The following BRINP2 variants were observed in gnomAD, a reference collection of about 807,000 sequenced individuals.
BRINP2 encodes the protein BMP/retinoic acid-inducible neural-specific protein 2.
BRINP2 carries 21 observed loss-of-function variants against 69.2 expected under a neutral mutation model. That is an observed-to-expected ratio of 0.30 (90% confidence interval 0.22 to 0.44). BRINP2 has a LOEUF of 0.44. Among genes scored for constraint, BRINP2 ranks in the 20% least tolerant of loss-of-function variants. The pLI, the probability that BRINP2 is intolerant of heterozygous loss-of-function variation, is 1.00. For missense variants in BRINP2, 877 were observed against 986.0 expected (o/e 0.89, Z 1.48); for synonymous variants, 380 against 394.1 (o/e 0.96, Z 0.42).
chr1:177,256,474 A>AGTC (rs1650762446), intron 3 of BRINP2: 1 of 985,332 alleles, frequency 1.0e-6, no homozygotes, highest in African/African-American at 1.7e-5. Context: ...CAGGCAAAAA[A>AGTC]GTCGAAGTCC....
chr1:177,179,277 G>A (rs528331602), intron 1 of BRINP2, among the ~76,000 whole-genome samples: 29 of 152,350 alleles, frequency 1.9e-4, no homozygotes, highest in African/African-American at 7.0e-4. Context: ...CATTCAAATT[G>A]AGGTGTAATT....
intron 1 of BRINP2, among the ~76,000 whole-genome samples, chr1:177,178,616 C>G (rs546034101): frequency 6.6e-6 from 1 of 152,268 alleles, no homozygotes; most frequent in African/African-American, 2.4e-5. Context: ...TAGACTCCTA[C>G]ACATCTTGTT....
intron 4 of BRINP2, among the ~76,000 whole-genome samples, chr1:177,270,328 T>C (rs1307700485): frequency 2.0e-5 from 3 of 152,162 alleles, no homozygotes; most frequent in Non-Finnish European, 4.4e-5. Context: ...GATCATGGTC[T>C]TTGTCTCCTA....
At chr1:177,183,582 G>A (rs185972383) in intron 1 of BRINP2, among the ~76,000 whole-genome samples, 3 of 152,272 alleles carry the variant, frequency 2.0e-5, no homozygotes, top group Non-Finnish European at 2.9e-5. Context: ...AAGATACTAA[G>A]CTTAGGACAC....
chr1:177,249,280 C>A (rs1650505916), intron 2 of BRINP2, among the ~76,000 whole-genome samples: 2 of 152,138 alleles, frequency 1.3e-5, no homozygotes, highest in Non-Finnish European at 2.9e-5. Flanking sequence ...TCACTCTAGG[C>A]TAACCTAAAG....
intron 1 of BRINP2, among the ~76,000 whole-genome samples, chr1:177,181,273 A>G (rs1301765258): frequency 6.6e-6 from 1 of 151,952 alleles, no homozygotes; most frequent in African/African-American, 2.4e-5. Context: ...CTTTTTCCCA[A>G]TACTCCTCAG....
At chr1:177,272,064 A>G (rs1651345934) in intron 4 of BRINP2, among the ~76,000 whole-genome samples, 1 of 152,166 alleles carries the variant, frequency 6.6e-6, no homozygotes, top group African/African-American at 2.4e-5. Flanking sequence ...TGCACTATGC[A>G]CTTCCAAGCT....
chr1:177,186,387 G>C (rs549835459), intron 1 of BRINP2, among the ~76,000 whole-genome samples: 32 of 152,090 alleles, frequency 2.1e-4, no homozygotes, highest in Middle Eastern at 3.4e-3. Context: ...AAAAGTAATT[G>C]CAATTTTTTG....
At chr1:177,236,852 G>T (rs1650043025) in intron 2 of BRINP2, among the ~76,000 whole-genome samples, 1 of 151,276 alleles carries the variant, frequency 6.6e-6, no homozygotes, top group Non-Finnish European at 1.5e-5. Context: ...GGTTATTTAT[G>T]CCATACTTTG....
At chr1:177,227,494 G>A (rs1205291173) in intron 1 of BRINP2, among the ~76,000 whole-genome samples, 1 of 152,118 alleles carries the variant, frequency 6.6e-6, no homozygotes, top group Non-Finnish European at 1.5e-5. Flanking sequence ...TTCAATAAAT[G>A]AATATGTGAA....
chr1:177,227,736 T>C (rs1649740188), intron 1 of BRINP2, among the ~76,000 whole-genome samples: 1 of 152,228 alleles, frequency 6.6e-6, no homozygotes, highest in South Asian at 2.1e-4. Flanking sequence ...ATATTAGGTA[T>C]AAAATATTCC....
At position 177,273,582 on chromosome 1, in the gene BRINP2, T is replaced by C. The variant is rs143480926; in HGVS notation, c.764T>C (p.Val255Ala). 1.7e-4 allele frequency: 277 copies of C among 1,584,648 alleles called. No homozygotes were observed. The highest frequency in any genetic ancestry group is 1.6e-3 in the Middle Eastern group (9 of 5,674). Reference protein sequence around the residue: ...SVLVQSPENKVQLLGLQVLLP... With the variant: ...SVLVQSPENKAQLLGLQVLLP... Reference sequence around the variant, plus strand: ...TTGGTACAGAGTCCAGAGAACAAAGTACAGTTACTTGGTAAGCAGCACTAT... The same window carrying C: ...TTGGTACAGAGTCCAGAGAACAAAGCACAGTTACTTGGTAAGCAGCACTAT... Residue 255 changes from valine (V) to alanine (A), a missense_variant, in exon 5 of 8, where the codon GTA (valine) becomes GCA (alanine). By Grantham distance (64) the Val-to-Ala change is moderately conservative (BLOSUM62 0). This residue lies in a region of BRINP2 where 566 missense variants were observed against 625.2 expected (regional missense o/e 0.91). Coordinates refer to ENST00000361539, the MANE Select transcript of BRINP2 (RefSeq NM_021165.4).
Position 177,206,685 on chromosome 1 carries a change from A to C in BRINP2, c.-76-23116A>C, listed in dbSNP as rs568529905. Reference sequence around the variant, plus strand: ...GTGGGACAAGAAGAGGGATAAGGACAGCCAGTGATAGGAGTCCCCAGATGT... The same window carrying C: ...GTGGGACAAGAAGAGGGATAAGGACCGCCAGTGATAGGAGTCCCCAGATGT... On this transcript the variant is annotated intron_variant, in intron 1 of 7. Transcript: ENST00000361539. Among the ~76,000 whole-genome samples the C allele has an allele frequency of 7.2e-5, 11 of 152,332 alleles. No individual in the cohort carries two copies. The East Asian group carries it at 1.9e-3, about 27-fold the overall frequency.
intron 4 of BRINP2, among the ~76,000 whole-genome samples, chr1:177,261,355 G>T (rs1650941983): frequency 6.6e-6 from 1 of 152,186 alleles, no homozygotes; most frequent in Non-Finnish European, 1.5e-5. Flanking sequence ...TGTCACAGAG[G>T]TGGTGAGAAG....
At position 177,257,034 on chromosome 1, in the gene BRINP2, G is replaced by T. The variant is rs150213348; in HGVS notation, c.461-142G>T. On this transcript the variant is annotated intron_variant, in intron 3 of 7. Coordinates refer to ENST00000361539, the MANE Select transcript of BRINP2 (RefSeq NM_021165.4). ...CTCTGATGAGCTTCTTCTAAAGATG[G>T]TAAGGGCTGGGGGAAGAGCTTGGCA... The T allele has an allele frequency of 1.3e-3, 2,067 of 1,544,236 alleles. 28 individuals are homozygous for T. In the African/African-American group the frequency reaches 0.025, roughly 19 times the overall value.
intron 2 of BRINP2, among the ~76,000 whole-genome samples, chr1:177,244,083 C>T (rs905920207): frequency 2.0e-5 from 3 of 151,916 alleles, no homozygotes; most frequent in East Asian, 1.9e-4. Context: ...AAAAAGAGGG[C>T]GAAATGTAAA....
At chr1:177,269,855 G>A (rs2102357704) in intron 4 of BRINP2, among the ~76,000 whole-genome samples, 1 of 152,260 alleles carries the variant, frequency 6.6e-6, no homozygotes, top group Non-Finnish European at 1.5e-5. Context: ...AGGCAGGATG[G>A]TCTCTGTCAA....
At chr1:177,201,643 G>A (rs535437435) in intron 1 of BRINP2, among the ~76,000 whole-genome samples, 22 of 152,308 alleles carry the variant, frequency 1.4e-4, no homozygotes, top group African/African-American at 5.1e-4. Context: ...GTTGAATCTG[G>A]ACTGAGGATC....
intron 1 of BRINP2, among the ~76,000 whole-genome samples, chr1:177,177,294 A>AAACAACAACAACAACAAC (rs149219703): frequency 1.3e-5 from 2 of 151,184 alleles, no homozygotes; most frequent in African/African-American, 4.9e-5. Context: ...ACAAACAAAC[A>AAACAACAACAACAACAAC]AACAACAACA....
Sources: allele counts gnomAD v4.1 joint callset (sites outside exome capture counted in the v4.1 genomes callset), GRCh38; gene constraint gnomAD v4.1.1; regional missense constraint gnomAD v4.1.1; transcripts MANE v1.5; gene names NCBI Gene and HGNC (gene_info 2026-07-23, HGNC 2026-07-21).